The following ASMTL variants were observed in gnomAD, a reference collection of about 807,000 sequenced individuals.
The protein encoded by ASMTL is acetylserotonin O-methyltransferase like, also known as probable bifunctional dTTP/UTP pyrophosphatase/methyltransferase protein.
ASMTL carries 57 observed loss-of-function variants against 60.3 expected under a neutral mutation model. The ratio of observed to expected loss-of-function variants is 0.95; its 90% CI spans 0.76 to 1.18. ASMTL has a LOEUF of 1.18. Ranked by LOEUF, ASMTL falls within the 50% of genes most tolerant of loss-of-function variation. The probability of loss-of-function intolerance (pLI) is 0.00; values close to 1 mark genes in which losing one functional copy is unlikely to be tolerated. For missense variants in ASMTL, 981 were observed against 852.6 expected (o/e 1.15, Z -1.88); for synonymous variants, 419 against 373.0 (o/e 1.12, Z -1.42).
intron 9 of ASMTL, among the ~76,000 whole-genome samples, chrX:1,419,478 A>T (rs1477495841): frequency 6.6e-6 from 1 of 152,178 alleles, no homozygotes; most frequent in African/African-American, 2.4e-5. Context: ...GAGAGAAGCC[A>T]CAATGTCTCT....
At chrX:1,407,660 G>A (rs2089916389) in intron 12 of ASMTL, among the ~76,000 whole-genome samples, 1 of 152,102 alleles carries the variant, frequency 6.6e-6, no homozygotes, top group African/African-American at 2.4e-5. Flanking sequence ...GAGGTGGGAG[G>A]ATGGTTTGAG....
At position 1,425,305 on chromosome X, in the gene ASMTL, T is replaced by C. The variant is rs187897345; in HGVS notation, c.1060+220A>G. Among the ~76,000 whole-genome samples the C allele has an allele frequency of 1.8e-3, 270 of 152,334 alleles. 2 individuals are homozygous for C. The highest frequency in any genetic ancestry group is 6.3e-3 in the African/African-American group (262 of 41,576). On this transcript the variant is annotated intron_variant, in intron 8 of 12. Coordinates refer to ENST00000381317, the MANE Select transcript of ASMTL (RefSeq NM_004192.4). ...ACAGCCCCTTTGAGACTAGAGCCCATAAGGAGGTCACGCTTCTCCTATGTG... is the reference window on the plus strand; with the variant it reads ...ACAGCCCCTTTGAGACTAGAGCCCACAAGGAGGTCACGCTTCTCCTATGTG...
upstream of ASMTL, chrX:1,453,709 C>T: frequency 7.4e-6 from 1 of 134,610 alleles, no homozygotes; most frequent in Non-Finnish European, 1.6e-5. Context: ...GGACCCGGTG[C>T]GAGTGGCGTG....
At chrX:1,428,498 C>T (rs1181857005) in intron 6 of ASMTL, among the ~76,000 whole-genome samples, 2 of 151,254 alleles carry the variant, frequency 1.3e-5, no homozygotes, top group African/African-American at 2.4e-5. Context: ...AAAAATTAGC[C>T]GGGTGTGGTG....
intron 9 of ASMTL, among the ~76,000 whole-genome samples, chrX:1,420,416 A>G (rs1485784945): frequency 6.6e-6 from 1 of 151,882 alleles, no homozygotes; most frequent in African/African-American, 2.4e-5. Flanking sequence ...TCTCTCCCCA[A>G]CATCTGCAGG....
intron 11 of ASMTL, among the ~76,000 whole-genome samples, chrX:1,416,009 G>GCACACA (rs1228208308): frequency 1.4e-4 from 20 of 141,782 alleles, no homozygotes; most frequent in Non-Finnish European, 2.2e-4. Context: ...AGCAAGACAG[G>GCACACA]CACACACACA....
rs1360246036 is a variant in ASMTL at position 1,413,524 on chromosome X, C to T, written c.1523-670G>A. On this transcript the variant is annotated intron_variant, in intron 11 of 12. Transcript: ENST00000381317. ...GGCGCCCCAGGAGGGTTGCCTGTTG[C>T]GGGGGGCGCATGTAGCTGCACGCCC... Among the ~76,000 whole-genome samples, 14 of 152,260 alleles carry T rather than the reference C, an allele frequency of 9.2e-5. No homozygotes were observed. In the East Asian group the frequency reaches 9.7e-4, roughly 11 times the overall value.
rs1245236548 is a variant in ASMTL at position 1,419,079 on chromosome X, C to A, written c.1281G>T (p.Arg427Ser). The change falls in exon 10 of 13, where the codon AGG becomes AGT. Residue 427 changes from arginine to serine, a missense_variant. Arg to Ser is a moderately radical substitution (Grantham distance 110). Transcript: ENST00000381317. ...TCATGCCGTGCATGGCCCGCATGAACCTCAGCCGCGTCTCCGGGCTCTGGT... is the reference window on the plus strand; with the variant it reads ...TCATGCCGTGCATGGCCCGCATGAAACTCAGCCGCGTCTCCGGGCTCTGGT... ...AYYQSPETRLRFMRAMHGMTK... is the reference protein window; with the variant it reads ...AYYQSPETRLSFMRAMHGMTK... 1 of 1,611,310 alleles carries A rather than the reference C, an allele frequency of 6.2e-7. No homozygotes were observed. Among genetic ancestry groups the A allele is most frequent in the South Asian group, 1.1e-5 (1 of 90,828 alleles).
intron 1 of ASMTL, among the ~76,000 whole-genome samples, chrX:1,443,569 G>A (rs1278751629): frequency 1.0e-4 from 15 of 147,354 alleles, no homozygotes; most frequent in South Asian, 4.3e-4. Context: ...GACACACACC[G>A]CCATCATGGA....
intron 1 of ASMTL, among the ~76,000 whole-genome samples, chrX:1,447,822 T>C (rs2091261831): frequency 6.7e-6 from 1 of 148,166 alleles, no homozygotes; most frequent in African/African-American, 2.5e-5. Flanking sequence ...CACAGCTATC[T>C]TGGATAAGCA....
intron 11 of ASMTL, among the ~76,000 whole-genome samples, chrX:1,417,576 A>T (rs1177677941): frequency 6.9e-6 from 1 of 145,398 alleles, no homozygotes; most frequent in Non-Finnish European, 1.5e-5. Context: ...ATATGCACAC[A>T]GACACCCACC....
At chrX:1,403,591 C>A in intron 12 of ASMTL, 102 bp from the exon 13 acceptor site, 1 of 1,106,816 alleles carries the variant, frequency 9.0e-7, no homozygotes, top group Non-Finnish European at 1.3e-6. Context: ...GAACGGTGAG[C>A]AGAGGCTGCT....
intron 3 of ASMTL, among the ~76,000 whole-genome samples, chrX:1,436,355 TA>T (rs1479805642): frequency 6.6e-6 from 1 of 151,228 alleles, no homozygotes; most frequent in African/African-American, 2.4e-5. Flanking sequence ...TGTTATTTTT[TA>T]TTTATTTATT....
At chrX:1,433,331 T>C (rs2090860565) in intron 5 of ASMTL, among the ~76,000 whole-genome samples, 1 of 151,358 alleles carries the variant, frequency 6.6e-6, no homozygotes, top group Non-Finnish European at 1.5e-5. Flanking sequence ...TGGAGTTTGC[T>C]CCCCAGTGGC....
intron 5 of ASMTL, among the ~76,000 whole-genome samples, chrX:1,434,208 G>C (rs1169317974): frequency 6.6e-6 from 1 of 152,174 alleles, no homozygotes; most frequent in African/African-American, 2.4e-5. Flanking sequence ...CACACCTGCA[G>C]TCCCAGCAAT....
In ASMTL at chrX:1,421,873, C is replaced by T. The variant is rs200590770; in HGVS notation, c.1061-31G>A. 2,206 of 1,609,674 alleles carry T rather than the reference C, an allele frequency of 1.4e-3. 2 individuals are homozygous for T. Among genetic ancestry groups the T allele is most frequent in the Non-Finnish European group, 1.8e-3 (2,088 of 1,176,284 alleles). ...GAAATGGGGACAGTCGTGTGACCTC[C>T]TAACGAGAAAACCCAAGGAAACCTG... On this transcript the variant is annotated intron_variant, in intron 8 of 12. Transcript: ENST00000381317.
chrX:1,426,526 A>AGG, intron 7 of ASMTL, among the ~76,000 whole-genome samples: 1 of 152,100 alleles, frequency 6.6e-6, no homozygotes, highest in African/African-American at 2.4e-5. Flanking sequence ...CTAGGCTGCC[A>AGG]CCGTGAGGGG....
At chrX:1,437,133 T>C (rs1407401490) in intron 3 of ASMTL, among the ~76,000 whole-genome samples, 1 of 151,696 alleles carries the variant, frequency 6.6e-6, no homozygotes, top group Non-Finnish European at 1.5e-5. Context: ...GGGTGGCTTA[T>C]AAACAACAGG....
At chrX:1,444,389 A>G (rs1201179666) in intron 1 of ASMTL, among the ~76,000 whole-genome samples, 5 of 151,696 alleles carry the variant, frequency 3.3e-5, no homozygotes, top group African/African-American at 1.2e-4. Flanking sequence ...TTGTATTTTT[A>G]ATAGAGATGG....
Sources: gnomAD v4.1 joint callset for allele counts (sites outside exome capture counted in the v4.1 genomes callset) on GRCh38, gnomAD v4.1.1 for gene constraint, MANE v1.5 for transcripts, NCBI Gene and HGNC (gene_info 2026-07-23, HGNC 2026-07-21) for gene names.